The following OSBPL9 variants were observed in gnomAD, a reference collection of about 807,000 sequenced individuals.
OSBPL9 encodes oxysterol-binding protein-related protein 9.
OSBPL9 carries 40 observed loss-of-function variants against 106.6 expected under a neutral mutation model. The ratio of observed to expected loss-of-function variants is 0.38; its 90% CI spans 0.29 to 0.49. The LOEUF (loss-of-function observed/expected upper bound fraction) is 0.49, where lower values mean the gene tolerates loss of function less well. Among genes scored for constraint, OSBPL9 ranks in the 20% least tolerant of loss-of-function variants. The pLI is 0.97. For synonymous variants in OSBPL9, 269 were observed against 295.4 expected, an observed-to-expected ratio of 0.91 and a Z score of 0.92; for missense variants, 609 against 887.2, an observed-to-expected ratio of 0.69 and a Z score of 3.98.
chr1:51,555,527 G>A, the OSBPL9 span, among the ~76,000 whole-genome samples: 1 of 151,830 alleles, frequency 6.6e-6, no homozygotes, highest in African/African-American at 2.4e-5. Context: ...AAAGGAAAAG[G>A]TTCAACAAGA....
chr1:51,762,001 C>T (rs1197268169), intron 11 of OSBPL9, 30 bp downstream of exon 11: 2 of 1,466,046 alleles, frequency 1.4e-6, no homozygotes, highest in South Asian at 2.3e-5. Flanking sequence ...CTTTATGTCT[C>T]ATAACTCTAT....
chr1:51,605,337 T>C (rs889473397), intron 2 of OSBPL9, among the ~76,000 whole-genome samples: 3 of 152,106 alleles, frequency 2.0e-5, no homozygotes, highest in Non-Finnish European at 4.4e-5. Context: ...ACACCTGCAA[T>C]CCCAGCACTT....
the OSBPL9 span, among the ~76,000 whole-genome samples, chr1:51,529,935 G>T: frequency 6.6e-6 from 1 of 151,718 alleles, no homozygotes; most frequent in Admixed American, 6.6e-5. Flanking sequence ...ACTTTGGGAG[G>T]TGGAGGTGGG....
intron 3 of OSBPL9, chr1:51,708,920 A>G (rs911501037): frequency 1.3e-5 from 2 of 152,146 alleles, no homozygotes; most frequent in South Asian, 2.1e-4. Flanking sequence ...TTTCCAATCT[A>G]TATGCAGTTG....
chr1:51,745,290 G>A, intron 4 of OSBPL9: 1 of 424,916 alleles, frequency 2.4e-6, no homozygotes, highest in South Asian at 2.9e-5. Context: ...GGAGAGAAGA[G>A]TAAATCCAAT....
chr1:51,534,209 A>T, the OSBPL9 span, among the ~76,000 whole-genome samples: 1 of 152,010 alleles, frequency 6.6e-6, no homozygotes, highest in East Asian at 1.9e-4. Flanking sequence ...ATCTCAAAAA[A>T]AAAAAAATGC....
Position 51,597,459 on chromosome 1 carries a change from GTA to G in OSBPL9, c.-422-660_-422-659del, listed in dbSNP as rs1175701478. On this transcript the variant is annotated intron_variant, in intron 1 of 25. Transcript: ENST00000371714. Reference sequence around the variant, plus strand: ...TGTGTGTGTGTGTGTGTGTGTGTGTGTATATACACACACACACAAAGGATAGA... The same window carrying G: ...TGTGTGTGTGTGTGTGTGTGTGTGTGTATACACACACACACAAAGGATAGA... Among the ~76,000 whole-genome samples, 143 of 132,970 alleles carry G rather than the reference GTA, an allele frequency of 1.1e-3. 3 individuals carry two copies. Among genetic ancestry groups the G allele is most frequent in the South Asian group, 9.5e-3 (38 of 3,996 alleles). 87.2% of individuals were successfully genotyped at this position (132,970 alleles called of 152,430 possible).
chr1:51,710,125 AC>A (rs1341446348), intron 3 of OSBPL9, among the ~76,000 whole-genome samples: 1 of 152,166 alleles, frequency 6.6e-6, no homozygotes, highest in Non-Finnish European at 1.5e-5. Context: ...CCCCTTTGGC[AC>A]CTGATTCCAT....
intron 3 of OSBPL9, among the ~76,000 whole-genome samples, chr1:51,685,359 T>C (rs1385773157): frequency 6.6e-6 from 1 of 152,170 alleles, no homozygotes; most frequent in Non-Finnish European, 1.5e-5. Flanking sequence ...TTTTTACTTT[T>C]AGACTGCCAA....
chr1:51,679,773 A>G (rs192112757), intron 3 of OSBPL9, among the ~76,000 whole-genome samples: 1 of 152,316 alleles, frequency 6.6e-6, no homozygotes, highest in Non-Finnish European at 1.5e-5. Flanking sequence ...TTTGTGTTCA[A>G]GTAGCCCTTA....
intron 4 of OSBPL9, among the ~76,000 whole-genome samples, chr1:51,719,464 A>C (rs1246593664): frequency 6.6e-6 from 1 of 151,820 alleles, no homozygotes; most frequent in African/African-American, 2.4e-5. Context: ...TTTTAACCCT[A>C]GTAAGCTTTA....
At chr1:51,725,813 C>T (rs191879739) in intron 4 of OSBPL9, among the ~76,000 whole-genome samples, 6 of 152,254 alleles carry the variant, frequency 3.9e-5, no homozygotes, top group Non-Finnish European at 7.4e-5. Context: ...AACTGTGGTT[C>T]TCCCCCCTGC....
the OSBPL9 span, chr1:51,519,405 T>TGCCCGTCC: frequency 8.2e-5 from 17 of 207,560 alleles, no homozygotes; most frequent in Admixed American, 6.0e-5. Flanking sequence ...CCCGCCCGCC[T>TGCCCGTCC]GCCCGCCCGC....
At chr1:51,697,975 A>G (rs1260577206) in intron 3 of OSBPL9, among the ~76,000 whole-genome samples, 2 of 151,970 alleles carry the variant, frequency 1.3e-5, no homozygotes, top group Non-Finnish European at 2.9e-5. Flanking sequence ...TGTGATAATA[A>G]TAACATATTG....
At chr1:51,732,539 C>T (rs1664694858) in intron 4 of OSBPL9, among the ~76,000 whole-genome samples, 1 of 152,216 alleles carries the variant, frequency 6.6e-6, no homozygotes, top group Admixed American at 6.5e-5. Context: ...CTACCACACA[C>T]AGGCATTTAA....
At chr1:51,530,193 C>CAAAAAAAAAAAAAAAAA in the OSBPL9 span, among the ~76,000 whole-genome samples, 3 of 55,658 alleles carry the variant, frequency 5.4e-5, no homozygotes, top group South Asian at 6.1e-4. Context: ...AAAAAAAAAA[C>CAAAAAAAAAAAAAAAAA]AAAAAAAAAA....
intron 9 of OSBPL9, among the ~76,000 whole-genome samples, chr1:51,758,567 C>A (rs1281055581): frequency 6.6e-6 from 1 of 152,050 alleles, no homozygotes; most frequent in African/African-American, 2.4e-5. Context: ...AAAACAGTGG[C>A]CTCTCATAAT....
At chr1:51,760,195 C>G (rs144305038) in intron 9 of OSBPL9, 1 of 153,996 alleles carries the variant, frequency 6.5e-6, no homozygotes, top group African/African-American at 2.4e-5. Context: ...TTGGCATCCT[C>G]GGGGGGTGCT....
At chr1:51,646,431 A>G (rs1411672757) in intron 1 of OSBPL9, among the ~76,000 whole-genome samples, 4 of 152,248 alleles carry the variant, frequency 2.6e-5, no homozygotes, top group African/African-American at 9.6e-5. Flanking sequence ...ATCTGAAAGT[A>G]TAGAAATACA....
Sources: allele counts gnomAD v4.1 joint callset (sites outside exome capture counted in the v4.1 genomes callset), GRCh38; gene constraint gnomAD v4.1.1; transcripts MANE v1.5; gene names NCBI Gene and HGNC (gene_info 2026-07-23, HGNC 2026-07-21).